ME3: variants seen among roughly 807,000 people sequenced by gnomAD.
ME3 encodes malic enzyme 3.
In ME3, 48 loss-of-function variants were observed where a neutral mutation model predicts 68.9. That is an observed-to-expected ratio of 0.70 (90% CI 0.55 to 0.89). The LOEUF (loss-of-function observed/expected upper bound fraction) is 0.89, where lower values mean the gene tolerates loss of function less well. ME3 is among the 40% of genes least tolerant of loss of function. The pLI, the probability that ME3 is intolerant of heterozygous loss-of-function variation, is 0.00. For synonymous variants in ME3, 320 were observed against 318.8 expected (o/e 1.00, Z -0.04); for missense variants, 675 against 797.4 (o/e 0.85, Z 1.85).
chr11:86,568,525 T>C (rs1226015176), intron 2 of ME3, among the ~76,000 whole-genome samples: 2 of 152,238 alleles, frequency 1.3e-5, no homozygotes, highest in Admixed American at 1.3e-4. Flanking sequence ...CTGAACTCTA[T>C]TTACCCATGG....
At position 86,564,403 on chromosome 11, in the gene ME3, C is replaced by A. The variant is rs1305369418; in HGVS notation, c.184-4580G>T. Reference sequence around the variant, plus strand: ...ATTCACATGGACTAGCAAGGGACCCCGAACAGCCAAAATCTTTTTTTTTAA... The same window carrying A: ...ATTCACATGGACTAGCAAGGGACCCAGAACAGCCAAAATCTTTTTTTTTAA... On this transcript the variant is annotated intron_variant, in intron 2 of 14. Coordinates refer to ENST00000543262, the Ensembl canonical transcript of ME3. Among the ~76,000 whole-genome samples the A allele has an allele frequency of 2.0e-5, 3 of 149,040 alleles. No homozygotes were observed. In the South Asian group the frequency reaches 6.3e-4, roughly 31 times the overall value.
At chr11:86,613,821 A>G (rs1386749729) in intron 2 of ME3, among the ~76,000 whole-genome samples, 2 of 152,208 alleles carry the variant, frequency 1.3e-5, no homozygotes, top group African/African-American at 4.8e-5. Context: ...ATAAGAGAGG[A>G]TACAAACAAA....
At chr11:86,644,527 T>A (rs911076323) in intron 2 of ME3, among the ~76,000 whole-genome samples, 1 of 152,118 alleles carries the variant, frequency 6.6e-6, no homozygotes, top group African/African-American at 2.4e-5. Context: ...AGACTGCCTA[T>A]TGTCAGCTCC....
chr11:86,633,681 G>A (rs1944155349), intron 2 of ME3, among the ~76,000 whole-genome samples: 1 of 152,212 alleles, frequency 6.6e-6, no homozygotes, highest in Non-Finnish European at 1.5e-5. Context: ...AATGCATGCT[G>A]TTCTATAGGC....
intron 5 of ME3, among the ~76,000 whole-genome samples, chr11:86,500,543 A>C (rs921490655): frequency 6.6e-6 from 1 of 152,250 alleles, no homozygotes; most frequent in African/African-American, 2.4e-5. Flanking sequence ...TCATTGTGTC[A>C]AAAGCCCATT....
intron 5 of ME3, among the ~76,000 whole-genome samples, chr11:86,504,578 G>C (rs530601428): frequency 1.3e-5 from 2 of 151,980 alleles, no homozygotes; most frequent in South Asian, 2.1e-4. Context: ...ATTTTTAGAA[G>C]AGACGGGGTT....
chr11:86,607,410 T>C (rs1376152514), intron 2 of ME3, among the ~76,000 whole-genome samples: 4 of 151,552 alleles, frequency 2.6e-5, no homozygotes, highest in Non-Finnish European at 5.9e-5. Context: ...TCTTCCTCTC[T>C]GATTCATAGC....
chr11:86,549,602 AT>A, intron 4 of ME3, among the ~76,000 whole-genome samples: 1 of 152,344 alleles, frequency 6.6e-6, no homozygotes, highest in Middle Eastern at 3.4e-3. Flanking sequence ...TACCTAAATG[AT>A]TAACCACCCT....
At chr11:86,575,998 G>A (rs1276766183) in intron 2 of ME3, among the ~76,000 whole-genome samples, 1 of 152,180 alleles carries the variant, frequency 6.6e-6, no homozygotes, top group East Asian at 1.9e-4. Context: ...GTTTTGTGAT[G>A]TTGAGCATAT....
At chr11:86,488,905 T>C (rs1010189902) in intron 6 of ME3, among the ~76,000 whole-genome samples, 1 of 152,028 alleles carries the variant, frequency 6.6e-6, no homozygotes, top group Admixed American at 6.6e-5. Flanking sequence ...AGAAATTCCC[T>C]TTGGGGGGCA....
At chr11:86,462,118 A>T (rs1432019276) in intron 8 of ME3, among the ~76,000 whole-genome samples, 1 of 152,228 alleles carries the variant, frequency 6.6e-6, no homozygotes, top group Non-Finnish European at 1.5e-5. Flanking sequence ...GAGCACATGT[A>T]GAGGTGCATT....
intron 8 of ME3, among the ~76,000 whole-genome samples, chr11:86,451,218 GT>G: frequency 6.6e-6 from 1 of 152,324 alleles, no homozygotes; most frequent in South Asian, 2.1e-4. Flanking sequence ...GTTGCTAATG[GT>G]TTAGCTGGAT....
intron 7 of ME3, among the ~76,000 whole-genome samples, chr11:86,472,766 C>T (rs940614304): frequency 6.6e-6 from 1 of 152,070 alleles, no homozygotes; most frequent in Non-Finnish European, 1.5e-5. Flanking sequence ...ACTGAGTCCT[C>T]GGAGGCAATG....
At chr11:86,559,403 T>C (rs945484574) in intron 3 of ME3, among the ~76,000 whole-genome samples, 9 of 152,226 alleles carry the variant, frequency 5.9e-5, no homozygotes, top group Non-Finnish European at 1.2e-4. Flanking sequence ...GTGCTTCTTA[T>C]GCTGACTCAG....
intron 9 of ME3, 126 bp downstream of exon 9, chr11:86,450,175 A>G (rs1275142568): frequency 1.5e-5 from 16 of 1,033,172 alleles, no homozygotes; most frequent in Middle Eastern, 2.0e-4. Context: ...GGCAGCTGCA[A>G]TGATCACAAT....
intron 7 of ME3, among the ~76,000 whole-genome samples, chr11:86,479,273 A>C (rs1951256733): frequency 6.6e-6 from 1 of 152,158 alleles, no homozygotes; most frequent in Non-Finnish European, 1.5e-5. Context: ...TTGGATTTAT[A>C]CTGAGCTATG....
At chr11:86,628,474 A>G (rs1158973396) in intron 2 of ME3, among the ~76,000 whole-genome samples, 2 of 152,260 alleles carry the variant, frequency 1.3e-5, no homozygotes, top group African/African-American at 4.8e-5. Flanking sequence ...CGCCTAGGCC[A>G]TAATCTAGAC....
intron 2 of ME3, among the ~76,000 whole-genome samples, chr11:86,572,787 A>T (rs910304370): frequency 6.6e-6 from 1 of 152,224 alleles, no homozygotes; most frequent in Non-Finnish European, 1.5e-5. Flanking sequence ...TACTTTGGGT[A>T]TATACCCAGT....
intron 2 of ME3, among the ~76,000 whole-genome samples, chr11:86,627,055 T>A (rs566857520): frequency 6.6e-6 from 1 of 152,254 alleles, no homozygotes; most frequent in South Asian, 2.1e-4. Flanking sequence ...GGTGTATAAA[T>A]GCCCTGCAGT....
Sources: gnomAD v4.1 joint callset for allele counts (sites outside exome capture counted in the v4.1 genomes callset) on GRCh38, gnomAD v4.1.1 for gene constraint, MANE v1.5 for transcripts, NCBI Gene and HGNC (gene_info 2026-07-23, HGNC 2026-07-21) for gene names.